Variants in KCP observed in about 807,000 individuals in gnomAD.
KCP encodes kielin cysteine rich BMP regulator, also known as kielin/chordin-like protein.
A neutral mutation model predicts 212.7 loss-of-function variants in KCP; 194 were observed. The observed-to-expected ratio is 0.91, with a 90% CI of 0.81 to 1.03. The LOEUF (loss-of-function observed/expected upper bound fraction) is 1.03, where lower values mean the gene tolerates loss of function less well. KCP is among the 50% of genes least tolerant of loss of function. The pLI is 0.00. For synonymous variants in KCP, 833 were observed against 865.3 expected, an observed-to-expected ratio of 0.96 and a Z score of 0.65; for missense variants, 2,080 against 2,162.5, an observed-to-expected ratio of 0.96 and a Z score of 0.76.
chr7:128,877,792 TG>T lies in KCP; in HGVS notation c.4312-3del. 1 of 1,544,568 alleles carries T rather than the reference TG, an allele frequency of 6.5e-7. No homozygotes were observed. The highest frequency in any genetic ancestry group is 8.7e-7 in the Non-Finnish European group (1 of 1,143,212). On this transcript the variant is annotated splice_polypyrimidine_tract_variant and splice_region_variant and intron_variant, in intron 38 of 39. Transcript: ENST00000610776. ...GCCAGGCCACAGCCCCTCTGAGACC[TG>T]GGTGGGGAGAGCAGCCCTGACGTGA... is the stretch of plus-strand genomic sequence containing the variant.
chr7:128,877,368 G>A lies in KCP; in HGVS notation c.4619-57C>T, dbSNP rs1396323097. 3.3e-6 allele frequency: 5 copies of A among 1,528,922 alleles called. No homozygotes were observed. In the East Asian group the frequency reaches 9.8e-5, roughly 30 times the overall value. The allele number at this position is 1,528,922 out of a possible 1,614,324, so 94.7% of individuals were successfully genotyped here. A position where few individuals can be genotyped will look rare whatever the true frequency, so the allele number is the denominator to read the frequency against. Reference sequence around the variant, plus strand: ...GGCACCTGAAACTGCCCCAGTTGCTGTGCGTACCCCTGCGAGACTCGCCAT... The same window carrying A: ...GGCACCTGAAACTGCCCCAGTTGCTATGCGTACCCCTGCGAGACTCGCCAT... On this transcript the variant is annotated intron_variant, in intron 39 of 39. Coordinates refer to ENST00000610776, the MANE Select transcript of KCP (RefSeq NM_001366122.1).
intron 38 of KCP, among the ~76,000 whole-genome samples, 198 bp from the exon 39 acceptor site, chr7:128,877,988 C>T (rs1444060501): frequency 6.6e-6 from 1 of 152,138 alleles, no homozygotes; most frequent in African/African-American, 2.4e-5. Flanking sequence ...AGTAGGTCAG[C>T]ACTTGTCCAA....
At chr7:128,881,181 A>G (rs1793311575) in intron 31 of KCP, 96 bp from the exon 32 acceptor site, 1 of 398,556 alleles carries the variant, frequency 2.5e-6, no homozygotes, top group Non-Finnish European at 4.4e-6. Context: ...GAAAGCACCC[A>G]CTCCGTGTCC....
intron 16 of KCP, 61 bp from the exon 17 acceptor site, chr7:128,891,880 G>A: frequency 7.7e-7 from 1 of 1,298,840 alleles, no homozygotes; most frequent in Non-Finnish European, 1.0e-6. Context: ...TCCAGCCCTG[G>A]AGTCCAGAGC....
At chr7:128,897,386 C>T (rs952656677) in intron 8 of KCP, among the ~76,000 whole-genome samples, 2 of 152,326 alleles carry the variant, frequency 1.3e-5, no homozygotes, top group Admixed American at 6.5e-5. Flanking sequence ...TCTGCCATCA[C>T]AATGGTGACT....
chr7:128,877,290 C>A lies in KCP; in HGVS notation c.4640G>T (p.Arg1547Leu), dbSNP rs149314913. Residue 1547 changes from arginine (R) to leucine (L), a missense_variant, in exon 40 of 40, where the codon CGT (arginine) becomes CTT (leucine). Coordinates refer to ENST00000610776, the MANE Select transcript of KCP (RefSeq NM_001366122.1). ...TLCVVGCPLE[R>L]GFVFDECGPP... ...GCCGCACTCATCAAACACGAAGCCACGCTCCAGGGGGCAGCCTACCACTGC... is the reference window on the plus strand; with the variant it reads ...GCCGCACTCATCAAACACGAAGCCAAGCTCCAGGGGGCAGCCTACCACTGC... 2 of 1,512,694 alleles carry A rather than the reference C, an allele frequency of 1.3e-6. No individual in the cohort carries two copies. Among genetic ancestry groups the A allele is most frequent in the Non-Finnish European group, 8.8e-7 (1 of 1,134,024 alleles). 93.7% of individuals were successfully genotyped at this position (1,512,694 alleles called of 1,614,324 possible). A position where few individuals can be genotyped will look rare whatever the true frequency, so the allele number is the denominator to read the frequency against.
intron 23 of KCP, 99 bp from the exon 24 acceptor site, chr7:128,887,065 G>GC: frequency 9.7e-7 from 1 of 1,028,122 alleles, no homozygotes. Flanking sequence ...CCCTCCCTTG[G>GC]CCCGGGACAC....
chr7:128,883,990 C>T lies in KCP; in HGVS notation c.3244+12G>A. ...CCTCATATCTCATCTACCCCCACATCCCTGGACTCACCGGCACAGGTGGGA... is the reference window on the plus strand; with the variant it reads ...CCTCATATCTCATCTACCCCCACATTCCTGGACTCACCGGCACAGGTGGGA... On this transcript the variant is annotated intron_variant, in intron 29 of 39. Coordinates refer to ENST00000610776, the MANE Select transcript of KCP (RefSeq NM_001366122.1). 2 of 1,548,046 alleles carry T rather than the reference C, an allele frequency of 1.3e-6. No individual in the cohort carries two copies. Among genetic ancestry groups the T allele is most frequent in the Non-Finnish European group, 1.7e-6 (2 of 1,146,136 alleles).
At chr7:128,903,880 CGGGTGTTGGG>C (rs1794986232) in intron 6 of KCP, 60 bp from the exon 7 acceptor site, 1 of 208,916 alleles carries the variant, frequency 4.8e-6, no homozygotes, top group Non-Finnish European at 9.9e-6. Flanking sequence ...GCTGGGTGGG[CGGGTGTTGGG>C]CACCCTCGGA....
chr7:128,907,981 T>C (rs1795208897), intron 2 of KCP, among the ~76,000 whole-genome samples: 1 of 151,608 alleles, frequency 6.6e-6, no homozygotes. Flanking sequence ...ATACAAAAAT[T>C]AGCCGGGTAT....
chr7:128,890,845 CCGGGGCGGGG>C (rs1055983437), intron 20 of KCP, 50 bp downstream of exon 20: 72 of 1,197,538 alleles, frequency 6.0e-5, no homozygotes, highest in Non-Finnish European at 6.9e-5. Flanking sequence ...GCAGGGCGCT[CCGGGGCGGGG>C]CGGGGCGGCA....
At chr7:128,887,739 ACT>A (rs1181362917) in intron 22 of KCP, among the ~76,000 whole-genome samples, 5 of 148,738 alleles carry the variant, frequency 3.4e-5, no homozygotes, top group East Asian at 2.0e-4. Context: ...CCACACCCAC[ACT>A]CTCATACACA....
In KCP at chr7:128,883,119, T is replaced by TA. The variant is rs201917167; in HGVS notation, c.3244+882dup. ...AAATTGGAGAAAATAGGATTATCAT[T>TA]AAAAAAAAAAGTATGTTTTTTCTTT... On this transcript the variant is annotated intron_variant, in intron 29 of 39. Coordinates refer to ENST00000610776, the MANE Select transcript of KCP (RefSeq NM_001366122.1). Among the ~76,000 whole-genome samples the TA allele has an allele frequency of 1.8e-3, 262 of 144,842 alleles. 3 individuals carry two copies. The South Asian group carries it at 0.028, about 16-fold the overall frequency.
rs749646062 is a variant in KCP at position 128,894,957 on chromosome 7, T to C, written c.832-664A>G. 9.0e-4 allele frequency among the ~76,000 whole-genome samples: 137 copies of C among 151,952 alleles called. 2 individuals carry two copies. Among genetic ancestry groups the C allele is most frequent in the Middle Eastern group, 3.4e-3 (1 of 294 alleles). Reference sequence around the variant, plus strand: ...CACACACAGACACACACAGGGAGAATGGTATGGAAAAGAGAAGGCAGAGGT... The same window carrying C: ...CACACACAGACACACACAGGGAGAACGGTATGGAAAAGAGAAGGCAGAGGT... On this transcript the variant is annotated intron_variant, in intron 8 of 39. Transcript: ENST00000610776.
chr7:128,890,087 T>G, intron 21 of KCP: 1 of 550,468 alleles, frequency 1.8e-6, no homozygotes, highest in Non-Finnish European at 3.2e-6. Flanking sequence ...ACCAGCTGAT[T>G]TTAAATTTTT....
At chr7:128,881,908 C>T (rs1369785563) in intron 30 of KCP, 29 bp downstream of exon 30, 1 of 1,544,670 alleles carries the variant, frequency 6.5e-7, no homozygotes, top group South Asian at 1.2e-5. Flanking sequence ...AAGAGGGGCT[C>T]TGTGAGTCCC....
At position 128,888,961 on chromosome 7, in the gene KCP, C is replaced by T. The variant is rs1389981343; in HGVS notation, c.2414G>A (p.Cys805Tyr). Residue 805 changes from cysteine (C) to tyrosine (Y), a missense_variant, in exon 22 of 40, where the codon TGT becomes TAT. Cys to Tyr is a radical substitution (Grantham distance 194). Transcript: ENST00000610776. Reference sequence around the variant, plus strand: ...GCCGCAGGTCACGAAGCCTCCAAGACAGGTACACAGGTTGCAGGGTTCTCG... The same window carrying T: ...GCCGCAGGTCACGAAGCCTCCAAGATAGGTACACAGGTTGCAGGGTTCTCG... ...DPREPCNLCT[C>Y]LGGFVTCGRR... is the part of the protein sequence containing the mutation. 1 of 1,549,724 alleles carries T rather than the reference C, an allele frequency of 6.5e-7. No homozygotes were observed. The highest frequency in any genetic ancestry group is 1.4e-5 in the African/African-American group (1 of 72,780).
chr7:128,893,373 A>G lies in KCP; in HGVS notation c.1185+18T>C, dbSNP rs193127075. 7 of 1,551,604 alleles carry G rather than the reference A, an allele frequency of 4.5e-6. No homozygotes were observed. In the East Asian group the frequency reaches 1.7e-4, roughly 38 times the overall value. On this transcript the variant is annotated intron_variant, in intron 12 of 39. Coordinates refer to ENST00000610776, the MANE Select transcript of KCP (RefSeq NM_001366122.1). ...AAGGAATGAGGCAGATCTGGGTGTG[A>G]GCGGAGGGACCGCCTACCTGGCAGG...
Position 128,880,020 on chromosome 7 carries a change from G to C in KCP, c.3825C>G (p.Cys1275Trp). 6 of 1,549,806 alleles carry C rather than the reference G, an allele frequency of 3.9e-6. No individual in the cohort carries two copies. The highest frequency in any genetic ancestry group is 5.2e-6 in the Non-Finnish European group (6 of 1,146,880). Residue 1275 changes from cysteine (C) to tryptophan (W), a missense_variant, in exon 35 of 40, where the codon TGC becomes TGG. By Grantham distance (215) the Cys-to-Trp change is radical. Coordinates refer to ENST00000610776, the MANE Select transcript of KCP (RefSeq NM_001366122.1). ...CPRCLPRPAS[C>W]MAFGDPHYRT... ...GGTAATGGGGGTCTCCGAAGGCCATGCAGGAAGCGGGCCGAGGCAGGCAGC... is the reference window on the plus strand; with the variant it reads ...GGTAATGGGGGTCTCCGAAGGCCATCCAGGAAGCGGGCCGAGGCAGGCAGC...
Sources: allele counts gnomAD v4.1 joint callset (sites outside exome capture counted in the v4.1 genomes callset), GRCh38; gene constraint gnomAD v4.1.1; transcripts MANE v1.5; gene names NCBI Gene and HGNC (gene_info 2026-07-23, HGNC 2026-07-21).